The following WDPCP variants were observed in gnomAD, a reference collection of about 807,000 sequenced individuals.
The protein encoded by WDPCP is WD repeat containing planar cell polarity effector, also known as WD repeat-containing and planar cell polarity effector protein fritz homolog.
WDPCP carries 71 observed loss-of-function variants against 93.1 expected under a neutral mutation model. The ratio of observed to expected loss-of-function variants is 0.76; its 90% confidence interval spans 0.63 to 0.93. WDPCP has a LOEUF of 0.93. Ranked by LOEUF, WDPCP falls within the 40% of genes least tolerant of loss-of-function variation. The pLI is 0.00. For missense variants in WDPCP, 844 were observed against 887.4 expected (o/e 0.95, Z 0.62); for synonymous variants, 315 against 315.0 (o/e 1.00, Z 0.00).
chr2:63,140,810 C>T (rs1404659002), intron 17 of WDPCP, among the ~76,000 whole-genome samples: 1 of 152,184 alleles, frequency 6.6e-6, no homozygotes, highest in Non-Finnish European at 1.5e-5. Flanking sequence ...TTATTTCTTT[C>T]TCTTGTCTGA....
chr2:63,165,384 C>T (rs1010521341), intron 15 of WDPCP, among the ~76,000 whole-genome samples: 1 of 151,986 alleles, frequency 6.6e-6, no homozygotes, highest in African/African-American at 2.4e-5. Context: ...CTTGTATTTT[C>T]AGGGTGGATC....
chr2:63,262,233 T>C (rs1404502860), intron 13 of WDPCP, among the ~76,000 whole-genome samples: 2 of 152,108 alleles, frequency 1.3e-5, no homozygotes, highest in Non-Finnish European at 2.9e-5. Flanking sequence ...TTTGTATTTA[T>C]TATGGAAAGC....
At chr2:63,306,646 G>T (rs1228765258) in intron 13 of WDPCP, among the ~76,000 whole-genome samples, 1 of 152,114 alleles carries the variant, frequency 6.6e-6, no homozygotes, top group Non-Finnish European at 1.5e-5. Context: ...AAAACCACAT[G>T]ATTATCACAA....
At chr2:63,530,074 T>C (rs932702513) in intron 1 of WDPCP, among the ~76,000 whole-genome samples, 4 of 152,188 alleles carry the variant, frequency 2.6e-5, no homozygotes, top group African/African-American at 9.6e-5. Context: ...ATTGCATCTG[T>C]TTGATTTTTC....
chr2:63,528,890 T>G (rs912730538), intron 1 of WDPCP, among the ~76,000 whole-genome samples: 2 of 152,216 alleles, frequency 1.3e-5, no homozygotes, highest in Non-Finnish European at 2.9e-5. Context: ...TTTATTTCAT[T>G]GAGCAGTGGT....
At chr2:63,502,952 G>C (rs899299820) in intron 1 of WDPCP, among the ~76,000 whole-genome samples, 31 of 152,276 alleles carry the variant, frequency 2.0e-4, no homozygotes, top group African/African-American at 7.2e-4. Flanking sequence ...AGATTTCTAT[G>C]TTCCAAGATA....
chr2:63,542,007 C>T (rs528464691), intron 1 of WDPCP, among the ~76,000 whole-genome samples: 2 of 151,444 alleles, frequency 1.3e-5, no homozygotes, highest in African/African-American at 4.8e-5. Context: ...TTCATACACA[C>T]ACACACTCTC....
chr2:63,400,242 T>C lies in WDPCP; in HGVS notation c.1435+3806A>G, dbSNP rs1011786614. Among the ~76,000 whole-genome samples, 9 of 152,288 alleles carry C rather than the reference T, an allele frequency of 5.9e-5. 1 individual carries two copies. On this transcript the variant is annotated intron_variant, in intron 10 of 17. Coordinates refer to ENST00000272321, the MANE Select transcript of WDPCP (RefSeq NM_015910.7). ...ACAATAGGCAAGTGAATCATCATAA[T>C]AACATTTTATTTTAAAGTCTCTTGG...
chr2:63,206,753 TG>T (rs1676366898), intron 14 of WDPCP, among the ~76,000 whole-genome samples: 1 of 152,198 alleles, frequency 6.6e-6, no homozygotes, highest in Admixed American at 6.5e-5. Context: ...TTATTTGTTT[TG>T]GGTTGTATCA....
chr2:63,750,328 A>ATTT (rs1669861860), intron 2 of WDPCP, among the ~76,000 whole-genome samples: 1 of 152,142 alleles, frequency 6.6e-6, no homozygotes, highest in Non-Finnish European at 1.5e-5. Flanking sequence ...TATGAAATTA[A>ATTT]AAACTCTAAT....
chr2:63,211,760 A>G (rs565106997), intron 14 of WDPCP, among the ~76,000 whole-genome samples: 3 of 152,350 alleles, frequency 2.0e-5, no homozygotes, highest in African/African-American at 7.2e-5. Context: ...TCAACAGTGT[A>G]GAGAAGACCT....
At chr2:63,380,158 T>A (rs1692180480) in intron 11 of WDPCP, among the ~76,000 whole-genome samples, 4 of 152,154 alleles carry the variant, frequency 2.6e-5, no homozygotes, top group Admixed American at 2.6e-4. Flanking sequence ...CTTCTTTAAC[T>A]GTAAATTTAT....
intron 12 of WDPCP, among the ~76,000 whole-genome samples, chr2:63,333,054 A>G (rs760575608): frequency 2.6e-5 from 4 of 152,090 alleles, no homozygotes; most frequent in Non-Finnish European, 5.9e-5. Flanking sequence ...TGAGAACACG[A>G]TTTTTTATTT....
chr2:63,798,974 T>C (rs1294423083), intron 2 of WDPCP, among the ~76,000 whole-genome samples: 6 of 152,206 alleles, frequency 3.9e-5, no homozygotes, highest in Non-Finnish European at 8.8e-5. Flanking sequence ...TTATTTTGAA[T>C]TTTGGTAGGT....
chr2:63,642,741 A>G (rs1709996033), intron 3 of WDPCP: 1 of 152,020 alleles, frequency 6.6e-6, no homozygotes, highest in African/African-American at 2.4e-5. Flanking sequence ...GGTTTTTCCA[A>G]ATATAGGATC....
At chr2:63,444,658 G>A (rs1324156387) in intron 6 of WDPCP, among the ~76,000 whole-genome samples, 1 of 152,158 alleles carries the variant, frequency 6.6e-6, no homozygotes, top group African/African-American at 2.4e-5. Context: ...AGGTGGTAAA[G>A]GGAGGCATCT....
chr2:63,662,231 T>C (rs1207072114), intron 2 of WDPCP, among the ~76,000 whole-genome samples: 1 of 152,198 alleles, frequency 6.6e-6, no homozygotes, highest in Non-Finnish European at 1.5e-5. Flanking sequence ...CTCTGCCACC[T>C]ATCAGATTGA....
At chr2:63,632,519 G>A (rs1000824057) in intron 3 of WDPCP, among the ~76,000 whole-genome samples, 1 of 152,102 alleles carries the variant, frequency 6.6e-6, no homozygotes, top group Non-Finnish European at 1.5e-5. Context: ...TCAACAGACA[G>A]ATAGAAATTA....
intron 1 of WDPCP, among the ~76,000 whole-genome samples, chr2:63,568,287 T>C (rs968898195): frequency 6.6e-6 from 1 of 151,696 alleles, no homozygotes; most frequent in Non-Finnish European, 1.5e-5. Flanking sequence ...GTAATATAAC[T>C]ACTTTAGGTT....
Sources: gnomAD v4.1 joint callset for allele counts (sites outside exome capture counted in the v4.1 genomes callset) on GRCh38, gnomAD v4.1.1 for gene constraint, MANE v1.5 for transcripts, NCBI Gene and HGNC (gene_info 2026-07-23, HGNC 2026-07-21) for gene names.